Variants in DCLK1 observed in about 807,000 individuals in gnomAD.
The protein encoded by DCLK1 is doublecortin like kinase 1, also known as serine/threonine-protein kinase DCLK1.
Under a neutral mutation model 86.2 loss-of-function variants are expected in DCLK1, and 16 were observed. That is an observed-to-expected ratio of 0.19 (90% CI 0.13 to 0.28). The LOEUF is 0.28. Ranked by LOEUF, DCLK1 falls within the 10% of genes least tolerant of loss-of-function variation. The probability of loss-of-function intolerance (pLI) is 1.00; values close to 1 mark genes in which losing one functional copy is unlikely to be tolerated. For synonymous variants in DCLK1, 369 were observed against 370.5 expected (o/e 1.00, Z 0.05); for missense variants, 590 against 940.2 (o/e 0.63, Z 4.87).
chr13:35,806,494 T>G (rs1012992736), intron 14 of DCLK1, among the ~76,000 whole-genome samples: 1 of 152,220 alleles, frequency 6.6e-6, no homozygotes, highest in African/African-American at 2.4e-5. Flanking sequence ...ACGATGAGTA[T>G]GCTATACAAT....
intron 2 of DCLK1, among the ~76,000 whole-genome samples, chr13:36,124,926 T>C (rs972806070): frequency 6.6e-6 from 1 of 152,210 alleles, no homozygotes; most frequent in Non-Finnish European, 1.5e-5. Flanking sequence ...CAACTCATTT[T>C]AATTGGCGAT....
chr13:36,081,122 T>C (rs1004726218), intron 3 of DCLK1, among the ~76,000 whole-genome samples: 2 of 152,106 alleles, frequency 1.3e-5, no homozygotes, highest in Admixed American at 6.6e-5. Context: ...TCAATGCATA[T>C]AAAAATTCAG....
chr13:35,899,110 T>G (rs1251221486), intron 4 of DCLK1, among the ~76,000 whole-genome samples: 1 of 152,198 alleles, frequency 6.6e-6, no homozygotes. Flanking sequence ...ATGCAATGAC[T>G]GACACTGAGG....
At chr13:35,918,208 G>C (rs1451675453) in intron 4 of DCLK1, among the ~76,000 whole-genome samples, 1 of 152,122 alleles carries the variant, frequency 6.6e-6, no homozygotes, top group Non-Finnish European at 1.5e-5. Context: ...GAGTAAATTT[G>C]GAATAAATGT....
chr13:35,935,312 G>A (rs189253806), intron 4 of DCLK1, among the ~76,000 whole-genome samples: 18 of 152,260 alleles, frequency 1.2e-4, no homozygotes, highest in African/African-American at 4.1e-4. Flanking sequence ...AGTCAATTCA[G>A]GAGGATTAAT....
At chr13:36,036,634 C>T (rs1024384423) in intron 3 of DCLK1, among the ~76,000 whole-genome samples, 8 of 151,672 alleles carry the variant, frequency 5.3e-5, no homozygotes, top group East Asian at 1.9e-4. Context: ...AGATCATATA[C>T]GGTATATATG....
At chr13:36,059,076 G>C (rs919102162) in intron 3 of DCLK1, among the ~76,000 whole-genome samples, 4 of 152,166 alleles carry the variant, frequency 2.6e-5, no homozygotes, top group Admixed American at 2.0e-4. Context: ...AGAATTGTTA[G>C]AATGACCTCT....
At chr13:35,871,087 C>G (rs781755945) in intron 5 of DCLK1, 137 bp downstream of exon 5, 6 of 657,048 alleles carry the variant, frequency 9.1e-6, no homozygotes, top group Non-Finnish European at 1.5e-5. Context: ...ATCTGTTCAA[C>G]CGCTCTAAGA....
At chr13:36,053,346 A>G (rs1352429043) in intron 3 of DCLK1, among the ~76,000 whole-genome samples, 1 of 152,162 alleles carries the variant, frequency 6.6e-6, no homozygotes, top group East Asian at 1.9e-4. Context: ...ATCATCACAG[A>G]GAAAGACAAG....
intron 3 of DCLK1, among the ~76,000 whole-genome samples, chr13:36,069,842 A>C (rs1226715815): frequency 6.6e-6 from 1 of 152,198 alleles, no homozygotes; most frequent in Non-Finnish European, 1.5e-5. Context: ...TAAACATTTT[A>C]ACTGTCAGAA....
chr13:36,084,936 C>T (rs79158617), intron 3 of DCLK1, among the ~76,000 whole-genome samples: 1,569 of 152,130 alleles, frequency 0.01, 9 homozygotes, highest in Non-Finnish European at 0.018. Context: ...ACTTTGAAAA[C>T]AAAAGTACTC....
At chr13:36,037,594 G>A (rs886629300) in intron 3 of DCLK1, among the ~76,000 whole-genome samples, 1 of 151,764 alleles carries the variant, frequency 6.6e-6, no homozygotes, top group Non-Finnish European at 1.5e-5. Context: ...AGCGATTCTC[G>A]TGCCTCAGTC....
intron 3 of DCLK1, among the ~76,000 whole-genome samples, chr13:36,043,138 A>G (rs1374843588): frequency 6.6e-6 from 1 of 152,200 alleles, no homozygotes; most frequent in Non-Finnish European, 1.5e-5. Context: ...AAATGTTAGA[A>G]AGTAAAGATA....
chr13:36,108,843 T>C (rs1467732994), intron 3 of DCLK1, among the ~76,000 whole-genome samples: 1 of 152,190 alleles, frequency 6.6e-6, no homozygotes, highest in East Asian at 1.9e-4. Flanking sequence ...GGTGGCATCT[T>C]GTTGGCAGCA....
chr13:35,806,009 T>A (rs915025217), intron 14 of DCLK1, among the ~76,000 whole-genome samples: 6 of 152,124 alleles, frequency 3.9e-5, no homozygotes, highest in African/African-American at 1.2e-4. Flanking sequence ...TAAATTAATA[T>A]CAGAATCATT....
chr13:35,996,175 C>T (rs1371036747), intron 3 of DCLK1, among the ~76,000 whole-genome samples: 5 of 152,122 alleles, frequency 3.3e-5, no homozygotes, highest in African/African-American at 7.2e-5. Context: ...GGGATCTACC[C>T]GCCTCGGCCT....
chr13:35,796,126 T>C (rs527274449), intron 15 of DCLK1, among the ~76,000 whole-genome samples: 81 of 152,246 alleles, frequency 5.3e-4, no homozygotes, highest in Non-Finnish European at 9.7e-4. Flanking sequence ...AGTGTCGGGT[T>C]CTGCCAGAAT....
At chr13:35,936,962 C>CTTTTTGTTGTTTTTTTTTTTTTTTTTTT (rs1876787357) in intron 4 of DCLK1, among the ~76,000 whole-genome samples, 1 of 65,712 alleles carries the variant, frequency 1.5e-5, no homozygotes, top group African/African-American at 5.3e-5. Context: ...GAAAAGTTAG[C>CTTTTTGTTGTTTTTTTTTTTTTTTTTTT]TTTTTTTTTT....
intron 3 of DCLK1, among the ~76,000 whole-genome samples, chr13:36,006,640 G>GA (rs932706814): frequency 7.9e-5 from 12 of 152,296 alleles, no homozygotes; most frequent in African/African-American, 2.9e-4. Flanking sequence ...CCACGGGGGA[G>GA]AAAAAATTAC....
Sources: gnomAD v4.1 joint callset for allele counts (sites outside exome capture counted in the v4.1 genomes callset) on GRCh38, gnomAD v4.1.1 for gene constraint, MANE v1.5 for transcripts, NCBI Gene and HGNC (gene_info 2026-07-23, HGNC 2026-07-21) for gene names.